Variants in EXTL3 observed in about 807,000 individuals in gnomAD.
The protein encoded by EXTL3 is exostosin-like 3.
Under a neutral mutation model 69.3 loss-of-function variants are expected in EXTL3, and 27 were observed. The observed-to-expected ratio is 0.39, with a 90% CI of 0.29 to 0.54. EXTL3 has a LOEUF of 0.54. EXTL3 is among the 20% of genes least tolerant of loss of function. EXTL3 has a pLI of 0.69. For missense variants in EXTL3, 1,003 were observed against 1,231.8 expected, an observed-to-expected ratio of 0.81 and a Z score of 2.78; for synonymous variants, 511 against 499.4, an observed-to-expected ratio of 1.02 and a Z score of -0.31.
chr8:28,654,837 A>G (rs1403912101), intron 1 of EXTL3, among the ~76,000 whole-genome samples: 1 of 152,218 alleles, frequency 6.6e-6, no homozygotes, highest in South Asian at 2.1e-4. Flanking sequence ...CCCTCTTCCA[A>G]GAATGACTCT....
At chr8:28,661,980 TATATA>T (rs1438345667) in intron 1 of EXTL3, among the ~76,000 whole-genome samples, 1 of 150,880 alleles carries the variant, frequency 6.6e-6, no homozygotes, top group Non-Finnish European at 1.5e-5. Flanking sequence ...AAAGTATAAA[TATATA>T]ATACAATATA....
chr8:28,672,311 G>A (rs1428075673), intron 1 of EXTL3, among the ~76,000 whole-genome samples: 5 of 151,226 alleles, frequency 3.3e-5, no homozygotes, highest in African/African-American at 7.3e-5. Context: ...CCAGCTACTC[G>A]GGAGGCTGAG....
intron 6 of EXTL3, 104 bp downstream of exon 6, chr8:28,743,318 G>C: frequency 7.7e-7 from 1 of 1,290,586 alleles, no homozygotes; most frequent in Non-Finnish European, 1.1e-6. Flanking sequence ...GTCCTCATTT[G>C]TACAATAGGG....
At chr8:28,622,810 G>C (rs1204001506) in exon 1 of EXTL3, 1 of 152,336 alleles carries the variant, frequency 6.6e-6, no homozygotes, top group East Asian at 1.9e-4. Context: ...GCTGCAGCGA[G>C]GTAGGGGCTC....
At chr8:28,731,083 A>G in intron 3 of EXTL3, 140 bp from the exon 4 acceptor site, 1 of 914,712 alleles carries the variant, frequency 1.1e-6, no homozygotes, top group Non-Finnish European at 1.8e-6. Flanking sequence ...TGAAAGGCAT[A>G]TGCTAGATTT....
At chr8:28,632,439 A>G (rs1465634002) in intron 1 of EXTL3, among the ~76,000 whole-genome samples, 3 of 152,124 alleles carry the variant, frequency 2.0e-5, no homozygotes, top group South Asian at 2.1e-4. Context: ...TGTTTTGCCA[A>G]TTAAAGTTAA....
At chr8:28,610,531 C>T (rs978430979) in intron 2 of EXTL3, among the ~76,000 whole-genome samples, 4 of 152,060 alleles carry the variant, frequency 2.6e-5, no homozygotes, top group South Asian at 2.1e-4. Context: ...CACTGAGGAC[C>T]GGCTCTGATT....
intron 3 of EXTL3, among the ~76,000 whole-genome samples, chr8:28,719,699 T>C (rs1040252865): frequency 1.3e-5 from 2 of 152,234 alleles, no homozygotes; most frequent in Non-Finnish European, 2.9e-5. Context: ...TTTCTTTCTG[T>C]TACAACTTTA....
intron 1 of EXTL3, among the ~76,000 whole-genome samples, chr8:28,633,919 C>T (rs1316781261): frequency 2.6e-5 from 4 of 152,194 alleles, no homozygotes; most frequent in African/African-American, 9.7e-5. Context: ...AACAGAAACT[C>T]AGCCGACCTC....
chr8:28,701,957 C>T (rs1475045242), intron 1 of EXTL3, among the ~76,000 whole-genome samples: 4 of 152,112 alleles, frequency 2.6e-5, no homozygotes, highest in African/African-American at 9.7e-5. Context: ...CGCCCTCTCT[C>T]GTCCCAGTTT....
intron 5 of EXTL3, among the ~76,000 whole-genome samples, chr8:28,737,932 A>G (rs1224210031): frequency 1.4e-5 from 2 of 145,840 alleles, no homozygotes; most frequent in East Asian, 4.1e-4. Flanking sequence ...CTCCGTTTGT[A>G]AAACTGAGGG....
chr8:28,685,649 T>C (rs1191732804), intron 1 of EXTL3, among the ~76,000 whole-genome samples: 2 of 151,974 alleles, frequency 1.3e-5, no homozygotes, highest in African/African-American at 2.4e-5. Flanking sequence ...TTTTGAAATA[T>C]TTTCAAATTT....
upstream of EXTL3, among the ~76,000 whole-genome samples, chr8:28,621,454 T>G (rs1806408368): frequency 6.6e-6 from 1 of 152,192 alleles, no homozygotes; most frequent in African/African-American, 2.4e-5. Context: ...CGTCCAGGAC[T>G]GTGAGACAGC....
intron 1 of EXTL3, among the ~76,000 whole-genome samples, chr8:28,664,675 T>C (rs1376626205): frequency 6.6e-6 from 1 of 152,198 alleles, no homozygotes; most frequent in African/African-American, 2.4e-5. Context: ...TTGAAGATAT[T>C]GTTCCATTGT....
intron 3 of EXTL3, among the ~76,000 whole-genome samples, chr8:28,722,233 G>C (rs1222097311): frequency 6.6e-6 from 1 of 152,236 alleles, no homozygotes; most frequent in African/African-American, 2.4e-5. Flanking sequence ...GGACAGTGCA[G>C]GTCGTGGTTA....
At chr8:28,700,245 A>G (rs240941), upstream of EXTL3, 54,675 of 152,118 alleles carry the variant, frequency 0.36, 10,845 homozygotes, top group African/African-American at 0.54. Flanking sequence ...GGAAAGGAGA[A>G]GAAAAGTGAA....
In EXTL3 at chr8:28,747,032, G is replaced by A. The variant is rs533434386; in HGVS notation, c.2551-3625G>A. On this transcript the variant is annotated intron_variant, in intron 6 of 6. Transcript: ENST00000220562. Reference sequence around the variant, plus strand: ...AAAACATTTGGAAACCACTGCTTCCGTGAAAACAACAGTTATAAAGTCACC... The same window carrying A: ...AAAACATTTGGAAACCACTGCTTCCATGAAAACAACAGTTATAAAGTCACC... Among the ~76,000 whole-genome samples the A allele has an allele frequency of 3.3e-5, 5 of 152,146 alleles. No individual in the cohort carries two copies. In the East Asian group the frequency reaches 7.7e-4, roughly 23 times the overall value.
At chr8:28,678,737 G>A (rs1432466553) in intron 1 of EXTL3, among the ~76,000 whole-genome samples, 1 of 152,150 alleles carries the variant, frequency 6.6e-6, no homozygotes, top group East Asian at 1.9e-4. Context: ...CTTCAATACT[G>A]TGGAGAAGAG....
At chr8:28,690,032 C>T (rs1800587591) in intron 1 of EXTL3, among the ~76,000 whole-genome samples, 1 of 152,176 alleles carries the variant, frequency 6.6e-6, no homozygotes, top group Non-Finnish European at 1.5e-5. Context: ...CACATTGCAT[C>T]CCTGGGGGGC....
Sources: allele counts gnomAD v4.1 joint callset (sites outside exome capture counted in the v4.1 genomes callset), GRCh38; gene constraint gnomAD v4.1.1; transcripts MANE v1.5; gene names NCBI Gene and HGNC (gene_info 2026-07-23, HGNC 2026-07-21).